Variants in PLEKHA6 observed in about 807,000 individuals in gnomAD.
PLEKHA6 encodes pleckstrin homology domain containing A6, also known as pleckstrin homology domain-containing family A member 6.
Under a neutral mutation model 116.7 loss-of-function variants are expected in PLEKHA6, and 60 were observed. The ratio of observed to expected loss-of-function variants is 0.51; its 90% CI spans 0.42 to 0.64. The LOEUF is 0.64. PLEKHA6 is among the 30% of genes least tolerant of loss of function. The pLI is 0.00. For missense variants in PLEKHA6, 1,338 were observed against 1,422.7 expected (o/e 0.94, Z 0.96); for synonymous variants, 489 against 556.1 (o/e 0.88, Z 1.70).
chr1:204,373,086 CTTTTT>C (rs973883787), intron 1 of PLEKHA6, among the ~76,000 whole-genome samples: 2 of 113,430 alleles, frequency 1.8e-5, no homozygotes, highest in African/African-American at 3.7e-5. Context: ...TTTTTTCTTT[CTTTTT>C]TTTTTTTTTT....
chr1:204,346,260 C>T (rs1389560301), intron 1 of PLEKHA6, among the ~76,000 whole-genome samples: 2 of 152,210 alleles, frequency 1.3e-5, no homozygotes, highest in Non-Finnish European at 1.5e-5. Flanking sequence ...GATTTCTGCA[C>T]TGTCTGACAG....
intron 1 of PLEKHA6, among the ~76,000 whole-genome samples, chr1:204,345,116 A>G (rs1672988637): frequency 6.6e-6 from 1 of 152,216 alleles, no homozygotes; most frequent in African/African-American, 2.4e-5. Flanking sequence ...TGTATTTCCA[A>G]CTGGCTGATT....
At chr1:204,304,925 A>G (rs2103109013) in intron 1 of PLEKHA6, among the ~76,000 whole-genome samples, 1 of 152,340 alleles carries the variant, frequency 6.6e-6, no homozygotes, top group East Asian at 1.9e-4. Context: ...GTTATTTTAT[A>G]AAGCAGGTGT....
At chr1:204,247,494 G>T (rs779331446) in intron 12 of PLEKHA6, 34 bp from the exon 13 acceptor site, 1 of 1,402,830 alleles carries the variant, frequency 7.1e-7, no homozygotes. Flanking sequence ...TGAGAAAGCC[G>T]CCATCACCAA....
chr1:204,261,182 G>A lies in PLEKHA6; in HGVS notation c.524+124C>T. On this transcript the variant is annotated intron_variant, in intron 7 of 22. Transcript: ENST00000272203. The surrounding 1 kb of genome is among the most constrained non-coding windows in gnomAD (Gnocchi z 4.0). ...CCTCCCGCCTGGATGCAAGGAGACG[G>A]CTCACACATTCTCCAGGGCTTCAAG... 8.5e-7 allele frequency: 1 copy of A among 1,175,546 alleles called. No homozygotes were observed. The highest frequency in any genetic ancestry group is 1.3e-6 in the Non-Finnish European group (1 of 796,496). 72.8% of individuals were successfully genotyped at this position (1,175,546 alleles called of 1,614,324 possible). A position where few individuals can be genotyped will look rare whatever the true frequency, so the allele number is the denominator to read the frequency against.
intron 1 of PLEKHA6, among the ~76,000 whole-genome samples, chr1:204,283,540 G>A (rs1403126170): frequency 1.3e-5 from 2 of 152,158 alleles, no homozygotes; most frequent in African/African-American, 4.8e-5. Context: ...TAGAATCAGG[G>A]AAGCTGAGGT....
At chr1:204,278,826 C>T (rs750756500) in intron 1 of PLEKHA6, among the ~76,000 whole-genome samples, 80 of 152,278 alleles carry the variant, frequency 5.3e-4, no homozygotes, top group African/African-American at 1.8e-3. Context: ...CCTGCCCATA[C>T]ATAACAGGTG....
intron 3 of PLEKHA6, among the ~76,000 whole-genome samples, chr1:204,365,483 C>T (rs889592121): frequency 5.9e-5 from 9 of 152,130 alleles, no homozygotes; most frequent in East Asian, 1.9e-4. Context: ...GGCATGAGAG[C>T]GGGAAAGGTT....
At chr1:204,374,833 C>T (rs567352188) in intron 1 of PLEKHA6, among the ~76,000 whole-genome samples, 49 of 152,298 alleles carry the variant, frequency 3.2e-4, no homozygotes, top group African/African-American at 1.1e-3. Flanking sequence ...TCCCCACTTT[C>T]TGGCCTTTCA....
chr1:204,299,977 GA>G (rs1355274741), intron 1 of PLEKHA6, among the ~76,000 whole-genome samples: 1 of 152,130 alleles, frequency 6.6e-6, no homozygotes, highest in Non-Finnish European at 1.5e-5. Flanking sequence ...ACATGTGCCT[GA>G]ATATTAAGAG....
Position 204,257,805 on chromosome 1 carries a change from A to G in PLEKHA6, c.1072T>C (p.Tyr358His), listed in dbSNP as rs1665559281. 6.2e-7 allele frequency: 1 copy of G among 1,613,924 alleles called. No individual in the cohort carries two copies. The highest frequency in any genetic ancestry group is 1.7e-5 in the Admixed American group (1 of 60,004). The stretch of plus-strand genomic sequence containing the variant: ...GGGTAGTACTGATAATCATCGGGGT[A>G]CTGGGAGGAGTAGGGGCCATAGTAC... ...PEYYGPYSSQ[Y>H]PDDYQYYPPG... The change falls in exon 9 of 23, where the codon TAC (tyrosine) becomes CAC (histidine). Residue 358 changes from tyrosine (Y) to histidine (H), a missense_variant. Physicochemically the swap from Tyr to His is moderately conservative, Grantham distance 83 (BLOSUM62 2). Transcript: ENST00000272203. This position sits in a 1 kb window ranked among gnomAD's most constrained non-coding sequence, Gnocchi z 6.5.
intron 1 of PLEKHA6, among the ~76,000 whole-genome samples, chr1:204,353,933 T>A (rs1419278790): frequency 6.6e-6 from 1 of 152,206 alleles, no homozygotes; most frequent in African/African-American, 2.4e-5. Flanking sequence ...TTAGCAGGAT[T>A]GCTGGATAGC....
In PLEKHA6 at chr1:204,220,761, C is replaced by T. The variant is rs756901161; in HGVS notation, c.*2027G>A. On this transcript the variant is annotated 3_prime_UTR_variant, in exon 23 of 23. Coordinates refer to ENST00000272203, the MANE Select transcript of PLEKHA6 (RefSeq NM_014935.5). ...TATAGATCTATAATATGTATAATCT[C>T]CATAAAACATATATTAAGGCATGTA... The T allele has an allele frequency of 6.6e-5, 10 of 152,306 alleles. No individual in the cohort carries two copies. Among genetic ancestry groups the T allele is most frequent in the Non-Finnish European group, 8.8e-5 (6 of 68,006 alleles). 9.4% of individuals were successfully genotyped at this position (152,306 alleles called of 1,614,324 possible). A position where few individuals can be genotyped will look rare whatever the true frequency, so the allele number is the denominator to read the frequency against.
intron 1 of PLEKHA6, among the ~76,000 whole-genome samples, chr1:204,350,307 T>C (rs1673233349): frequency 6.6e-6 from 1 of 152,146 alleles, no homozygotes; most frequent in African/African-American, 2.4e-5. Flanking sequence ...GGTGACAGAG[T>C]AAGACCGTGT....
At position 204,261,503 on chromosome 1, in the gene PLEKHA6, A is replaced by G; in HGVS notation, c.382-55T>C. 6.5e-7 allele frequency: 1 copy of G among 1,542,034 alleles called. No individual in the cohort carries two copies. The highest frequency in any genetic ancestry group is 8.7e-7 in the Non-Finnish European group (1 of 1,143,644). On this transcript the variant is annotated intron_variant, in intron 6 of 22. Transcript: ENST00000272203. The surrounding 1 kb of genome is among the most constrained non-coding windows in gnomAD (Gnocchi z 4.0). ...CCTCGGCCTCATCCACCCAGCACACAGTCACCTGTTGGGAGAAGACACCAA... is the reference window on the plus strand; with the variant it reads ...CCTCGGCCTCATCCACCCAGCACACGGTCACCTGTTGGGAGAAGACACCAA...
chr1:204,330,993 G>A (rs1248785174), intron 1 of PLEKHA6, among the ~76,000 whole-genome samples: 3 of 152,046 alleles, frequency 2.0e-5, no homozygotes, highest in South Asian at 2.1e-4. Context: ...TCAGGAGTTC[G>A]AGACCAGCCT....
intron 1 of PLEKHA6, among the ~76,000 whole-genome samples, chr1:204,335,984 C>G (rs867363530): frequency 1.9e-4 from 29 of 152,276 alleles, no homozygotes; most frequent in Admixed American, 2.6e-4. Context: ...AAGGGGGTGG[C>G]CCAATGTAAA....
At chr1:204,226,394 T>C (rs1033093981) in intron 21 of PLEKHA6, among the ~76,000 whole-genome samples, 3 of 152,180 alleles carry the variant, frequency 2.0e-5, no homozygotes, top group Non-Finnish European at 4.4e-5. Flanking sequence ...TGAGGAACTA[T>C]AGTAGAGAGC....
rs1170655434 is a variant in PLEKHA6, at chr1:204,261,566, C to A, written c.382-118G>T. On this transcript the variant is annotated intron_variant, in intron 6 of 22. Transcript: ENST00000272203. The surrounding 1 kb of genome is among the most constrained non-coding windows in gnomAD (Gnocchi z 4.0). Reference sequence around the variant, plus strand: ...GGGCAGTCAGTTGGGCCATTCCCTGCACCTGGGGCTCTTCCCCATGCGGAG... The same window carrying A: ...GGGCAGTCAGTTGGGCCATTCCCTGAACCTGGGGCTCTTCCCCATGCGGAG... The A allele has an allele frequency of 3.5e-6, 4 of 1,139,082 alleles. No homozygotes were observed. Among genetic ancestry groups the A allele is most frequent in the East Asian group, 2.5e-5 (1 of 39,414 alleles). The allele number at this position is 1,139,082 out of a possible 1,614,324, so 70.6% of individuals were successfully genotyped here. A position where few individuals can be genotyped will look rare whatever the true frequency, so the allele number is the denominator to read the frequency against.
Sources: allele counts gnomAD v4.1 joint callset (sites outside exome capture counted in the v4.1 genomes callset), GRCh38; gene constraint gnomAD v4.1.1; non-coding constraint Gnocchi (gnomAD v3.1); transcripts MANE v1.5; gene names NCBI Gene and HGNC (gene_info 2026-07-23, HGNC 2026-07-21).